PTPRJ: variants seen among roughly 807,000 people sequenced by gnomAD.
PTPRJ encodes the protein protein tyrosine phosphatase receptor type J.
In PTPRJ, 129 loss-of-function variants were observed where a neutral mutation model predicts 141.3. That is an observed-to-expected ratio of 0.91 (90% CI 0.79 to 1.06). The LOEUF (loss-of-function observed/expected upper bound fraction) is 1.06. PTPRJ is among the 50% of genes least tolerant of loss of function. PTPRJ has a pLI of 0.00. For missense variants in PTPRJ, 1,601 were observed against 1,679.7 expected, an observed-to-expected ratio of 0.95 and a Z score of 0.82; for synonymous variants, 610 against 640.5, an observed-to-expected ratio of 0.95 and a Z score of 0.72.
At chr11:48,036,639 G>C (rs1403990162) in intron 1 of PTPRJ, among the ~76,000 whole-genome samples, 1 of 152,170 alleles carries the variant, frequency 6.6e-6, no homozygotes, top group Non-Finnish European at 1.5e-5. Flanking sequence ...GCTGTTGTAA[G>C]TCATGTATAT....
intron 4 of PTPRJ, among the ~76,000 whole-genome samples, chr11:48,122,744 A>G (rs1377888048): frequency 6.6e-6 from 1 of 152,222 alleles, no homozygotes; most frequent in Non-Finnish European, 1.5e-5. Flanking sequence ...AACTCTTTGC[A>G]TGAGAGACAT....
At chr11:48,005,583 G>C (rs1478664371) in intron 1 of PTPRJ, among the ~76,000 whole-genome samples, 1 of 152,128 alleles carries the variant, frequency 6.6e-6, no homozygotes, top group Non-Finnish European at 1.5e-5. Context: ...ACCATGTTTT[G>C]TTTATCCTTT....
intron 1 of PTPRJ, among the ~76,000 whole-genome samples, chr11:47,991,857 A>T (rs1012065257): frequency 6.6e-6 from 1 of 152,194 alleles, no homozygotes; most frequent in Non-Finnish European, 1.5e-5. Flanking sequence ...TGGAGGATTA[A>T]ATGGATCTGC....
chr11:48,014,496 A>T (rs1381054205), intron 1 of PTPRJ: 1 of 152,178 alleles, frequency 6.6e-6, no homozygotes, highest in Non-Finnish European at 1.5e-5. Context: ...TTTGTTGAGC[A>T]TCTGTTATGT....
intron 1 of PTPRJ, among the ~76,000 whole-genome samples, chr11:47,997,327 G>T (rs1312803620): frequency 6.6e-6 from 1 of 152,238 alleles, no homozygotes; most frequent in African/African-American, 2.4e-5. Context: ...TACTAGGTGG[G>T]ACTGGCTGTC....
In PTPRJ at chr11:48,049,643, G is replaced by A. The variant is rs527581868; in HGVS notation, c.97-60415G>A. On this transcript the variant is annotated intron_variant, in intron 1 of 24. Transcript: ENST00000418331. ...GCAGGAGAATCGCTTGAACCTGGGA[G>A]GTGGAGATTGCAGTGAGCCGAGATC... 5.0e-4 allele frequency among the ~76,000 whole-genome samples: 76 copies of A among 151,800 alleles called. 1 individual carries two copies. The highest frequency in any genetic ancestry group is 1.7e-3 in the African/African-American group (70 of 41,326).
rs11039486 is a variant in PTPRJ at position 47,997,797 on chromosome 11, G to A, written c.96+16789G>A. Reference sequence around the variant, plus strand: ...CCATTGCAAAGAGATTCACTGCCAAGTTCCCCCTCCCACTAGCTCCCTGGA... The same window carrying A: ...CCATTGCAAAGAGATTCACTGCCAAATTCCCCCTCCCACTAGCTCCCTGGA... On this transcript the variant is annotated intron_variant, in intron 1 of 24. Coordinates refer to ENST00000418331, the MANE Select transcript of PTPRJ (RefSeq NM_002843.4). 6.5e-3 allele frequency among the ~76,000 whole-genome samples: 990 copies of A among 152,294 alleles called. 14 individuals are homozygous for A. The highest frequency in any genetic ancestry group is 0.022 in the African/African-American group (918 of 41,562).
intron 1 of PTPRJ, among the ~76,000 whole-genome samples, chr11:48,018,086 G>A (rs1029839319): frequency 9.9e-5 from 15 of 151,790 alleles, no homozygotes; most frequent in Middle Eastern, 7.0e-3. Flanking sequence ...GGAAAATAGA[G>A]GAAAAGTATA....
At chr11:48,100,440 G>A (rs1190148231) in intron 1 of PTPRJ, among the ~76,000 whole-genome samples, 3 of 152,120 alleles carry the variant, frequency 2.0e-5, no homozygotes, top group African/African-American at 4.8e-5. Context: ...AGTGCTTCAC[G>A]TAGATTATAT....
chr11:48,053,180 A>T (rs1217918230), intron 1 of PTPRJ, among the ~76,000 whole-genome samples: 1 of 106,142 alleles, frequency 9.4e-6, no homozygotes, highest in Non-Finnish European at 1.8e-5. Flanking sequence ...AAAATATATA[A>T]ATATATATAA....
chr11:47,984,123 C>T lies in PTPRJ; in HGVS notation c.96+3115C>T, dbSNP rs865859860. On this transcript the variant is annotated intron_variant, in intron 1 of 24. Transcript: ENST00000418331. ...ACAGCAAATTGGTTTATGGTTAGAC[C>T]GTGACTTTGAGCTGACTTCAAGTTG... Among the ~76,000 whole-genome samples the T allele has an allele frequency of 6.6e-5, 10 of 152,212 alleles. No individual in the cohort carries two copies. In the South Asian group the frequency reaches 1.2e-3, roughly 19 times the overall value.
chr11:47,986,611 G>C (rs1190588115), intron 1 of PTPRJ, among the ~76,000 whole-genome samples: 2 of 152,144 alleles, frequency 1.3e-5, no homozygotes, highest in African/African-American at 4.8e-5. Flanking sequence ...CCGCCTCCCG[G>C]GTTCAAGCAA....
chr11:48,093,873 C>T (rs977033462), intron 1 of PTPRJ, among the ~76,000 whole-genome samples: 2 of 151,644 alleles, frequency 1.3e-5, no homozygotes, highest in East Asian at 1.9e-4. Context: ...TGACGATCCT[C>T]GATGAAGTGT....
chr11:48,123,527 G>C (rs926657534), intron 4 of PTPRJ, 86 bp from the exon 5 acceptor site: 2 of 1,403,956 alleles, frequency 1.4e-6, no homozygotes, highest in Admixed American at 4.8e-5. Context: ...TTTAAAACCC[G>C]CTCCCAGCAC....
At position 48,164,534 on chromosome 11, in the gene PTPRJ, T is replaced by C. The variant is rs755999801; in HGVS notation, c.3855+19T>C. 8 of 1,578,562 alleles carry C rather than the reference T, an allele frequency of 5.1e-6. No homozygotes were observed. The East Asian group carries it at 1.8e-4, about 36-fold the overall frequency. On this transcript the variant is annotated intron_variant, in intron 24 of 24. Coordinates refer to ENST00000418331, the MANE Select transcript of PTPRJ (RefSeq NM_002843.4). ...GACAGAGGTGAGGCCAAGATCTGTA[T>C]TTGACATTCCACCCTTCCCCTCCAT... is the stretch of plus-strand genomic sequence containing the variant.
At chr11:48,111,617 A>G (rs945073767) in intron 2 of PTPRJ, among the ~76,000 whole-genome samples, 1 of 152,202 alleles carries the variant, frequency 6.6e-6, no homozygotes, top group Non-Finnish European at 1.5e-5. Context: ...GGTACCTTGT[A>G]CAGGCTTGAA....
intron 8 of PTPRJ, among the ~76,000 whole-genome samples, chr11:48,133,317 C>A (rs1168302001): frequency 6.6e-6 from 1 of 152,152 alleles, no homozygotes; most frequent in Non-Finnish European, 1.5e-5. Context: ...GAGAGGGCAT[C>A]TCTTTTACTA....
intron 1 of PTPRJ, among the ~76,000 whole-genome samples, chr11:47,999,666 G>A (rs886076090): frequency 2.6e-5 from 4 of 152,096 alleles, no homozygotes; most frequent in Non-Finnish European, 5.9e-5. Flanking sequence ...AGCTCCTCAT[G>A]TGTTGTTAAT....
At chr11:48,090,828 G>A (rs1010093947) in intron 1 of PTPRJ, among the ~76,000 whole-genome samples, 5 of 151,968 alleles carry the variant, frequency 3.3e-5, no homozygotes, top group Non-Finnish European at 5.9e-5. Flanking sequence ...GGTCCTGCCC[G>A]CCTGGTCCTG....
Sources: gnomAD v4.1 joint callset for allele counts (sites outside exome capture counted in the v4.1 genomes callset) on GRCh38, gnomAD v4.1.1 for gene constraint, MANE v1.5 for transcripts, NCBI Gene and HGNC (gene_info 2026-07-23, HGNC 2026-07-21) for gene names.